The following NEDD4L variants were observed in gnomAD, a reference collection of about 807,000 sequenced individuals.
NEDD4L encodes the protein E3 ubiquitin-protein ligase NEDD4-like.
In NEDD4L, 54 loss-of-function variants were observed where a neutral mutation model predicts 148.9. The observed-to-expected ratio is 0.36, with a 90% CI of 0.29 to 0.45. NEDD4L has a LOEUF of 0.45. NEDD4L is among the 20% of genes least tolerant of loss of function. The pLI, the probability that NEDD4L is intolerant of heterozygous loss-of-function variation, is 1.00. For missense variants in NEDD4L, 856 were observed against 1,233.8 expected, an observed-to-expected ratio of 0.69 and a Z score of 4.59; for synonymous variants, 433 against 440.7, an observed-to-expected ratio of 0.98 and a Z score of 0.22.
At chr18:58,101,912 T>C (rs1427553930) in intron 1 of NEDD4L, among the ~76,000 whole-genome samples, 2 of 152,166 alleles carry the variant, frequency 1.3e-5, no homozygotes, top group African/African-American at 4.8e-5. Context: ...GGGGTATTAT[T>C]TTAAATTAGT....
At position 58,341,049 on chromosome 18, in the gene NEDD4L, C is replaced by A; in HGVS notation, c.1137C>A (p.Ala379=). The change falls in exon 14 of 31, where the codon GCC becomes GCA. Residue 379 remains alanine, a synonymous_variant. Transcript: ENST00000400345. The part of the protein sequence containing the change: ...TGGEEPTPSV[A]YVHTTPGLPS... Reference sequence around the variant, plus strand: ...TCTTGCACAAACAGCCATCAGTGGCCTATGTACATACCACGCCGGGTCTGC... The same window carrying A: ...TCTTGCACAAACAGCCATCAGTGGCATATGTACATACCACGCCGGGTCTGC... 1 of 1,609,780 alleles carries A rather than the reference C, an allele frequency of 6.2e-7. No homozygotes were observed. Among genetic ancestry groups the A allele is most frequent in the Non-Finnish European group, 8.5e-7 (1 of 1,178,154 alleles).
intron 9 of NEDD4L, 116 bp from the exon 10 acceptor site, chr18:58,328,879 G>C: frequency 1.8e-6 from 2 of 1,081,252 alleles, no homozygotes; most frequent in East Asian, 4.9e-5. Context: ...CTAGTTGTCA[G>C]TGTTTGACGC....
intron 5 of NEDD4L, among the ~76,000 whole-genome samples, chr18:58,258,472 T>C (rs2048895833): frequency 1.3e-5 from 2 of 152,218 alleles, no homozygotes; most frequent in African/African-American, 4.8e-5. Context: ...CTCAAAAAAG[T>C]TCAAACTCAT....
chr18:58,241,405 C>T (rs1430232444), intron 2 of NEDD4L, among the ~76,000 whole-genome samples: 1 of 152,196 alleles, frequency 6.6e-6, no homozygotes, highest in Non-Finnish European at 1.5e-5. Context: ...TTTTAATGTT[C>T]TGAACCCCAG....
chr18:58,270,524 A>G (rs2050885323), intron 5 of NEDD4L, among the ~76,000 whole-genome samples: 1 of 152,208 alleles, frequency 6.6e-6, no homozygotes. Flanking sequence ...CGTTCTGAAC[A>G]TATCTGAACA....
In NEDD4L at chr18:58,256,884, A is replaced by G. The variant is rs2048661577; in HGVS notation, c.297+4830A>G. On this transcript the variant is annotated intron_variant, in intron 5 of 30. Transcript: ENST00000400345. The surrounding 1 kb of genome is among the most constrained non-coding windows in gnomAD (Gnocchi z 5.2). Reference sequence around the variant, plus strand: ...TCTGTTCCGGGAGTTTCCCTGCTTCAGGCCAGTGGATCTGAATGTTTGGCC... The same window carrying G: ...TCTGTTCCGGGAGTTTCCCTGCTTCGGGCCAGTGGATCTGAATGTTTGGCC... 2 of 992,322 alleles carry G rather than the reference A, an allele frequency of 2.0e-6. No homozygotes were observed. Among genetic ancestry groups the G allele is most frequent in the African/African-American group, 3.3e-5 (2 of 59,814 alleles). 61.5% of individuals were successfully genotyped at this position (992,322 alleles called of 1,614,324 possible).
At chr18:58,168,023 G>A (rs1349045117) in intron 2 of NEDD4L, among the ~76,000 whole-genome samples, 4 of 152,106 alleles carry the variant, frequency 2.6e-5, no homozygotes, top group East Asian at 1.9e-4. Flanking sequence ...GAGCAAATTC[G>A]TACCTTGAAT....
chr18:58,304,800 G>A (rs1005208333), intron 5 of NEDD4L, among the ~76,000 whole-genome samples: 2 of 152,226 alleles, frequency 1.3e-5, no homozygotes, highest in Admixed American at 6.5e-5. Context: ...TGAAAGAGGG[G>A]ATGGATGAGG....
intron 1 of NEDD4L, among the ~76,000 whole-genome samples, chr18:58,060,235 C>T (rs777246897): frequency 5.0e-4 from 76 of 152,234 alleles, no homozygotes; most frequent in Non-Finnish European, 9.3e-4. Context: ...CTTTGTGGAC[C>T]TCATCAAGGA....
intron 5 of NEDD4L, among the ~76,000 whole-genome samples, chr18:58,305,508 G>A (rs2056956864): frequency 6.6e-6 from 1 of 152,146 alleles, no homozygotes; most frequent in Admixed American, 6.5e-5. Context: ...TGCGCATTCT[G>A]CTCCAGTACC....
chr18:58,342,042 C>T (rs1008420712), intron 15 of NEDD4L, among the ~76,000 whole-genome samples: 3 of 152,226 alleles, frequency 2.0e-5, no homozygotes, highest in Admixed American at 6.5e-5. Flanking sequence ...TTGTGCTGGA[C>T]GTGGGCACTC....
chr18:58,328,878 A>T, intron 9 of NEDD4L, 117 bp from the exon 10 acceptor site: 1 of 1,050,678 alleles, frequency 9.5e-7, no homozygotes, highest in Non-Finnish European at 1.4e-6. Context: ...GCTAGTTGTC[A>T]GTGTTTGACG....
At chr18:58,277,812 G>C (rs556868210) in intron 5 of NEDD4L, among the ~76,000 whole-genome samples, 1 of 152,198 alleles carries the variant, frequency 6.6e-6, no homozygotes, top group African/African-American at 2.4e-5. Context: ...TAAAAAGTTA[G>C]AAATGTATTG....
intron 1 of NEDD4L, among the ~76,000 whole-genome samples, chr18:58,112,709 C>T (rs765696208): frequency 1.4e-4 from 22 of 152,106 alleles, no homozygotes; most frequent in Non-Finnish European, 3.1e-4. Context: ...AGGCTCATCT[C>T]GAGCTCCTGA....
chr18:58,165,791 G>C lies in NEDD4L; in HGVS notation c.52G>C (p.Glu18Gln). ...PVYGLSEDEGESRILRVKVVS... is the reference protein window; with the variant it reads ...PVYGLSEDEGQSRILRVKVVS... ...TTTTTTGTTCTCCTTCTCACAGGGA[G>C]AGTCCCGTATTCTCAGAGTAAAAGT... The change falls in exon 2 of 31, where the codon GAG becomes CAG. Residue 18 changes from glutamate (E) to glutamine (Q), a missense_variant. This residue lies in a region of NEDD4L where 193 missense variants were observed against 244.2 expected (regional missense o/e 0.79). Transcript: ENST00000400345. The C allele has an allele frequency of 6.2e-7, 1 of 1,610,168 alleles. No homozygotes were observed. Among genetic ancestry groups the C allele is most frequent in the Non-Finnish European group, 8.5e-7 (1 of 1,177,914 alleles).
intron 2 of NEDD4L, among the ~76,000 whole-genome samples, chr18:58,208,341 T>C (rs2042176250): frequency 6.6e-6 from 1 of 152,232 alleles, no homozygotes; most frequent in African/African-American, 2.4e-5. Flanking sequence ...TGTTTACATA[T>C]GAGTCAGAGC....
Position 58,049,424 on chromosome 18 carries a change from A to G in NEDD4L, c.48+4716A>G, listed in dbSNP as rs73438906. Among the ~76,000 whole-genome samples the G allele has an allele frequency of 5.7e-3, 871 of 152,336 alleles. 9 individuals are homozygous for G. The highest frequency in any genetic ancestry group is 0.019 in the African/African-American group (771 of 41,578). The stretch of plus-strand genomic sequence containing the variant: ...GCAGCTGTGCAAAACGGTGAGGACA[A>G]GATTGCTTTCAAAAATTGTGGTTTA... On this transcript the variant is annotated intron_variant, in intron 1 of 30. Coordinates refer to ENST00000400345, the MANE Select transcript of NEDD4L (RefSeq NM_001144967.3).
chr18:58,155,753 G>A (rs984409982), intron 1 of NEDD4L, among the ~76,000 whole-genome samples: 1 of 152,192 alleles, frequency 6.6e-6, no homozygotes, highest in Non-Finnish European at 1.5e-5. Context: ...CGTGTGGTCA[G>A]TTGCAGGCCT....
intron 18 of NEDD4L, 29 bp from the exon 19 acceptor site, chr18:58,357,163 GAT>G: frequency 9.0e-7 from 1 of 1,115,326 alleles, no homozygotes; most frequent in Non-Finnish European, 1.3e-6. Context: ...CTAATGTTCT[GAT>G]TTTTTTTTTT....
Sources: gnomAD v4.1 joint callset for allele counts (sites outside exome capture counted in the v4.1 genomes callset) on GRCh38, gnomAD v4.1.1 for gene constraint, gnomAD v4.1.1 regional missense constraint, Gnocchi (gnomAD v3.1) non-coding constraint, MANE v1.5 for transcripts, NCBI Gene and HGNC (gene_info 2026-07-23, HGNC 2026-07-21) for gene names.